MYBPC3: variants seen among roughly 807,000 people sequenced by gnomAD.
MYBPC3 encodes myosin-binding protein C, cardiac-type.
In MYBPC3, 108 loss-of-function variants were observed where a neutral mutation model predicts 159.3. The ratio of observed to expected loss-of-function variants is 0.68; its 90% CI spans 0.58 to 0.80. The LOEUF is 0.80. Ranked by LOEUF, MYBPC3 falls within the 30% of genes least tolerant of loss-of-function variation. The probability of loss-of-function intolerance (pLI) is 0.00; values close to 1 mark genes in which losing one functional copy is unlikely to be tolerated. For synonymous variants in MYBPC3, 730 were observed against 702.0 expected (o/e 1.04, Z -0.63); for missense variants, 1,631 against 1,762.1 (o/e 0.93, Z 1.33).
intron 21 of MYBPC3, 89 bp downstream of exon 21, chr11:47,339,562 G>T: frequency 6.7e-7 from 1 of 1,482,664 alleles, no homozygotes; most frequent in South Asian, 1.3e-5. Context: ...GCGTGCACAT[G>T]TGGGTGGGGT....
Position 47,333,737 on chromosome 11 carries a change from G to T in MYBPC3, c.3010C>A (p.Gln1004Lys). 1 of 1,602,624 alleles carries T rather than the reference G, an allele frequency of 6.2e-7. No homozygotes were observed. The highest frequency in any genetic ancestry group is 8.5e-7 in the Non-Finnish European group (1 of 1,175,078). The stretch of plus-strand genomic sequence containing the variant: ...TGCCCCTCTTTGGTCCAGGTCACCT[G>T]AGGCCGGGGCTTGCCCTGAGGGGAG... ...LIPFQGKPRP[Q>K]VTWTKEGQPL... Residue 1004 changes from glutamine (Q) to lysine (K), a missense_variant, in exon 29 of 35, where the codon CAG becomes AAG. Gln to Lys is a moderately conservative substitution (Grantham distance 53). Coordinates refer to ENST00000545968, the MANE Select transcript of MYBPC3 (RefSeq NM_000256.3).
At chr11:47,331,779 C>T in intron 34 of MYBPC3, 63 bp from the exon 35 acceptor site, 1 of 1,499,126 alleles carries the variant, frequency 6.7e-7, no homozygotes, top group Non-Finnish European at 9.0e-7. Context: ...TTACTGATGG[C>T]TGCCCCAGGA....
At chr11:47,331,795 G>A (rs1471918032) in intron 34 of MYBPC3, 50 bp downstream of exon 34, 2 of 1,552,850 alleles carry the variant, frequency 1.3e-6, no homozygotes, top group Admixed American at 1.9e-5. Flanking sequence ...CAGGACCAAG[G>A]GCCAGGGCTC....
chr11:47,339,885 A>T, intron 20 of MYBPC3, 95 bp from the exon 21 acceptor site: 7 of 1,400,926 alleles, frequency 5.0e-6, no homozygotes, highest in South Asian at 1.4e-5. Context: ...GCCCCTGGTT[A>T]TTGGTTTTTT....
rs759008026 is a variant in MYBPC3, at chr11:47,343,544, C to A, written c.1171G>T (p.Asp391Tyr). 1.2e-6 allele frequency: 2 copies of A among 1,611,230 alleles called. No individual in the cohort carries two copies. The highest frequency in any genetic ancestry group is 2.2e-5 in the South Asian group (2 of 90,386). ...TTCTTGAGCCATTTGACCTCAGCGT[C>A]ATGGTCAGCCAGTTCCACGGTCAGC... ...IRLTVELADH[D>Y]AEVKWLKNGQ... is the part of the protein sequence containing the mutation. Residue 391 changes from aspartate (D) to tyrosine (Y), a missense_variant, in exon 13 of 35, where the codon GAC (aspartate) becomes TAC (tyrosine). Coordinates refer to ENST00000545968, the MANE Select transcript of MYBPC3 (RefSeq NM_000256.3).
At chr11:47,333,027 G>T in intron 30 of MYBPC3, 54 bp from the exon 31 acceptor site, 2 of 1,567,628 alleles carry the variant, frequency 1.3e-6, no homozygotes, top group Non-Finnish European at 1.7e-6. Flanking sequence ...TCCTGATGCC[G>T]AGAGCCTCTC....
chr11:47,341,604 G>A (rs1673270215), intron 18 of MYBPC3, among the ~76,000 whole-genome samples: 1 of 152,194 alleles, frequency 6.6e-6, no homozygotes, highest in Admixed American at 6.5e-5. Context: ...GCCAGAGCCG[G>A]CCTCCTTGGT....
At chr11:47,349,749 G>T in intron 5 of MYBPC3, 25 bp downstream of exon 5, 1 of 1,598,052 alleles carries the variant, frequency 6.3e-7, no homozygotes, top group East Asian at 2.2e-5. Context: ...CTCTCTCCGT[G>T]TCTCCACGAC....
In MYBPC3 at chr11:47,333,130, G is replaced by A. The variant is rs536235771; in HGVS notation, c.3330+64C>T. ...TCCACGGTGAGGACAGTGAAGGGTA[G>A]CTGCGGCCTGGGTCTGCCGGGCCTA... On this transcript the variant is annotated intron_variant, in intron 30 of 34. Coordinates refer to ENST00000545968, the MANE Select transcript of MYBPC3 (RefSeq NM_000256.3). 14 of 1,552,174 alleles carry A rather than the reference G, an allele frequency of 9.0e-6. No homozygotes were observed. The South Asian group carries it at 1.2e-4, about 13-fold the overall frequency.
chr11:47,339,441 A>C, intron 21 of MYBPC3, 37 bp from the exon 22 acceptor site: 1 of 1,602,330 alleles, frequency 6.2e-7, no homozygotes, highest in Non-Finnish European at 8.5e-7. Flanking sequence ...GGAGCAGAGG[A>C]GCTGACTCAG....
In MYBPC3 at chr11:47,342,541, G is replaced by A. The variant is rs978315201; in HGVS notation, c.1624+37C>T. On this transcript the variant is annotated intron_variant, in intron 17 of 34. Transcript: ENST00000545968. The stretch of plus-strand genomic sequence containing the variant: ...GTGGGGTGGGGGCTGAGGGGTCCAA[G>A]CCCTAAAGCCTCATGTGCCCCCCCA... 4 of 1,519,648 alleles carry A rather than the reference G, an allele frequency of 2.6e-6. No individual in the cohort carries two copies. The African/African-American group carries it at 4.1e-5, about 16-fold the overall frequency. 94.1% of individuals were successfully genotyped at this position (1,519,648 alleles called of 1,614,324 possible).
At chr11:47,352,537 C>T in intron 1 of MYBPC3, 86 bp downstream of exon 1, 1 of 1,558,966 alleles carries the variant, frequency 6.4e-7, no homozygotes, top group Non-Finnish European at 8.7e-7. Context: ...CGTCAACCCC[C>T]TCAAGAACTC....
chr11:47,337,523 C>T lies in MYBPC3; in HGVS notation c.2470G>A (p.Asp824Asn), dbSNP rs774442478. The change falls in exon 25 of 35, where the codon GAC becomes AAC. Residue 824 changes from aspartate (D) to asparagine (N), a missense_variant. By Grantham distance (23) the Asp-to-Asn change is conservative. Transcript: ENST00000545968. ...KSYRWMRLNF[D>N]LIQELSHEAR... The stretch of plus-strand genomic sequence containing the variant: ...TCATGACTCAGCTCCTGAATCAGGT[C>T]GAAGTTCAGCCGCATCCACCGGTAG... The T allele has an allele frequency of 9.3e-6, 15 of 1,613,890 alleles. No homozygotes were observed. The highest frequency in any genetic ancestry group is 7.7e-5 in the South Asian group (7 of 91,084).
rs2095900459 is a variant in MYBPC3, at chr11:47,351,191, C to A, written c.292+48G>T. ...GATGGATGGAGAGTCGCTGGGCTGC[C>A]CCTCCCCCAGCAGCCCAAACCTCAG... On this transcript the variant is annotated intron_variant, in intron 2 of 34. Coordinates refer to ENST00000545968, the MANE Select transcript of MYBPC3 (RefSeq NM_000256.3). The surrounding 1 kb of genome is among the most constrained non-coding windows in gnomAD (Gnocchi z 4.2). 3 of 1,458,924 alleles carry A rather than the reference C, an allele frequency of 2.1e-6. No homozygotes were observed. The African/African-American group carries it at 4.2e-5, about 21-fold the overall frequency. The allele number at this position is 1,458,924 out of a possible 1,614,324, so 90.4% of individuals were successfully genotyped here.
intron 5 of MYBPC3, among the ~76,000 whole-genome samples, chr11:47,349,511 T>C (rs1466304661): frequency 5.0e-5 from 7 of 139,408 alleles, no homozygotes; most frequent in Non-Finnish European, 9.3e-5. Flanking sequence ...CCTTATTAGG[T>C]GCCCCCTTGA....
In MYBPC3 at chr11:47,331,878, G is replaced by A. The variant is rs369184972; in HGVS notation, c.3818C>T (p.Pro1273Leu). 1.2e-6 allele frequency: 2 copies of A among 1,610,228 alleles called. No individual in the cohort carries two copies. Among genetic ancestry groups the A allele is most frequent in the African/African-American group, 1.3e-5 (1 of 74,880 alleles). Residue 1273 changes from proline to leucine, a missense_variant, in exon 34 of 35, where the codon CCT becomes CTT. Pro to Leu is a moderately conservative substitution (Grantham distance 98). Coordinates refer to ENST00000545968, the MANE Select transcript of MYBPC3 (RefSeq NM_000256.3). ...CCCCAGGAGCCAGCCTGGTCACTGA[G>A]GCACTGCAGAAGAGGAGGCCATGTC... ...RCECRLEVRV[P>L]Q
At position 47,332,085 on chromosome 11, in the gene MYBPC3, G is replaced by T. The variant is rs541377415; in HGVS notation, c.3801C>A (p.Arg1267=). ...AGGGCTCCTCACCTCGCACCTCCAG[G>T]CGGCACTCACACCGTGCCTCGCCCT... is the stretch of plus-strand genomic sequence containing the variant. ...NLQGEARCEC[R]LEVRVPQ is the part of the protein sequence containing the mutation. Residue 1267 remains arginine (R), a synonymous_variant, in exon 33 of 35, where the codon CGC becomes CGA. Coordinates refer to ENST00000545968, the MANE Select transcript of MYBPC3 (RefSeq NM_000256.3). The surrounding 1 kb of genome is among the most constrained non-coding windows in gnomAD (Gnocchi z 4.2). 1 of 1,610,744 alleles carries T rather than the reference G, an allele frequency of 6.2e-7. No homozygotes were observed. Among genetic ancestry groups the T allele is most frequent in the South Asian group, 1.1e-5 (1 of 90,988 alleles).
intron 5 of MYBPC3, 71 bp from the exon 6 acceptor site, chr11:47,348,612 GA>G: frequency 7.9e-7 from 1 of 1,266,706 alleles, no homozygotes; most frequent in Non-Finnish European, 1.1e-6. Flanking sequence ...ACCCTTAAAG[GA>G]GACTGGGAGT....
chr11:47,339,239 G>A, intron 22 of MYBPC3, 85 bp downstream of exon 22: 1 of 1,465,512 alleles, frequency 6.8e-7, no homozygotes, highest in Non-Finnish European at 9.6e-7. Flanking sequence ...GCACCTCCAT[G>A]GAGACCTCGC....
Sources: gnomAD v4.1 joint callset for allele counts (sites outside exome capture counted in the v4.1 genomes callset) on GRCh38, gnomAD v4.1.1 for gene constraint, Gnocchi (gnomAD v3.1) non-coding constraint, MANE v1.5 for transcripts, NCBI Gene and HGNC (gene_info 2026-07-23, HGNC 2026-07-21) for gene names.